BCAS1: variants seen among roughly 807,000 people sequenced by gnomAD.
BCAS1 encodes the protein breast carcinoma-amplified sequence 1.
Under a neutral mutation model 65.4 loss-of-function variants are expected in BCAS1, and 46 were observed. The observed-to-expected ratio is 0.70, with a 90% CI of 0.55 to 0.90. BCAS1 has a LOEUF of 0.90. BCAS1 is among the 40% of genes least tolerant of loss of function. The probability of loss-of-function intolerance (pLI) is 0.00; values close to 1 mark genes in which losing one functional copy is unlikely to be tolerated. For missense variants in BCAS1, 793 were observed against 771.2 expected, an observed-to-expected ratio of 1.03 and a Z score of -0.33; for synonymous variants, 298 against 293.5, an observed-to-expected ratio of 1.02 and a Z score of -0.16.
In BCAS1 at chr20:54,032,195, A is replaced by C. The variant is rs961595088; in HGVS notation, c.143-3223T>G. Among the ~76,000 whole-genome samples the C allele has an allele frequency of 6.6e-5, 10 of 151,544 alleles. No individual in the cohort carries two copies. In the East Asian group the frequency reaches 1.9e-3, roughly 29 times the overall value. Reference sequence around the variant, plus strand: ...CAATATTCAACATTCTTAAACAAAAAGAATTCCAACCCAGAATTTTATATC... The same window carrying C: ...CAATATTCAACATTCTTAAACAAAACGAATTCCAACCCAGAATTTTATATC... On this transcript the variant is annotated intron_variant, in intron 3 of 12. Coordinates refer to ENST00000688948, the MANE Select transcript of BCAS1 (RefSeq NM_001366298.2).
intron 12 of BCAS1, among the ~76,000 whole-genome samples, chr20:53,949,280 A>G (rs1038485833): frequency 6.6e-6 from 1 of 152,246 alleles, no homozygotes; most frequent in Non-Finnish European, 1.5e-5. Context: ...TCAAAAAGAA[A>G]GGAAAATGTT....
intron 10 of BCAS1, among the ~76,000 whole-genome samples, chr20:53,962,267 G>A (rs886382345): frequency 1.3e-5 from 2 of 152,208 alleles, no homozygotes; most frequent in East Asian, 1.9e-4. Flanking sequence ...TAGATTGAAT[G>A]TAATTAATTT....
At chr20:53,947,393 TG>T (rs2089360859) in intron 12 of BCAS1, among the ~76,000 whole-genome samples, 1 of 152,174 alleles carries the variant, frequency 6.6e-6, no homozygotes, top group African/African-American at 2.4e-5. Context: ...TTAATAGTTT[TG>T]GGGCATCAAG....
intron 4 of BCAS1, among the ~76,000 whole-genome samples, chr20:53,996,338 T>G (rs918737104): frequency 2.6e-5 from 4 of 152,062 alleles, no homozygotes; most frequent in Non-Finnish European, 4.4e-5. Context: ...TTCTTCCAAT[T>G]CTGCAAAGAA....
intron 4 of BCAS1, among the ~76,000 whole-genome samples, chr20:54,015,024 C>A (rs562620696): frequency 9.2e-5 from 14 of 151,690 alleles, no homozygotes; most frequent in Admixed American, 9.2e-4. Context: ...TTTGCAGAAT[C>A]TCAGAATTTC....
intron 3 of BCAS1, among the ~76,000 whole-genome samples, chr20:54,040,592 A>G (rs1191017832): frequency 6.6e-6 from 1 of 151,402 alleles, no homozygotes; most frequent in Non-Finnish European, 1.5e-5. Context: ...ACTCATAAAA[A>G]GATGCCTAAT....
intron 4 of BCAS1, among the ~76,000 whole-genome samples, chr20:54,020,484 T>C (rs1285042011): frequency 6.6e-6 from 1 of 152,220 alleles, no homozygotes; most frequent in African/African-American, 2.4e-5. Flanking sequence ...TTGCAATGAC[T>C]TTCTATTTCA....
intron 4 of BCAS1, among the ~76,000 whole-genome samples, chr20:54,018,101 A>G (rs2091477923): frequency 6.6e-6 from 1 of 152,228 alleles, no homozygotes; most frequent in Non-Finnish European, 1.5e-5. Flanking sequence ...AGAAAGAAAA[A>G]GTCACATGCT....
At chr20:54,016,832 A>T (rs1225948474) in intron 4 of BCAS1, among the ~76,000 whole-genome samples, 1 of 152,156 alleles carries the variant, frequency 6.6e-6, no homozygotes, top group Admixed American at 6.5e-5. Context: ...GGGAAGAGAG[A>T]GGCAATGTTA....
At chr20:54,008,649 G>C (rs2091254906) in intron 4 of BCAS1, among the ~76,000 whole-genome samples, 1 of 152,164 alleles carries the variant, frequency 6.6e-6, no homozygotes, top group East Asian at 1.9e-4. Context: ...GTTTAAGCAA[G>C]ATGCAGTCTC....
intron 2 of BCAS1, among the ~76,000 whole-genome samples, chr20:54,058,385 G>T (rs1427234843): frequency 6.6e-6 from 1 of 152,078 alleles, no homozygotes; most frequent in Non-Finnish European, 1.5e-5. Context: ...CAGCTCAGGG[G>T]ACCCCACACT....
rs149163647 is a variant in BCAS1, at chr20:53,953,663, C to T, written c.1584G>A (p.Pro528=). ...GTGCTCCTGTTGGTTCAGGCTCTGG[C>T]GGTGTGATAGTCTTTTCTGTGGAGT... ...TSDSTEKTIT[P]PEPEPTGAPQ... The change falls in exon 12 of 13, where the codon CCG becomes CCA. Residue 528 remains proline (P), a synonymous_variant. Coordinates refer to ENST00000688948, the MANE Select transcript of BCAS1 (RefSeq NM_001366298.2). 1.3e-4 allele frequency: 211 copies of T among 1,613,638 alleles called. 1 individual carries two copies. The highest frequency in any genetic ancestry group is 2.5e-4 in the East Asian group (11 of 44,854).
intron 5 of BCAS1, 61 bp from the exon 6 acceptor site, chr20:53,995,117 C>T: frequency 7.0e-7 from 1 of 1,433,514 alleles, no homozygotes; most frequent in East Asian, 2.3e-5. Flanking sequence ...ATTTTTATTT[C>T]ATAGATAAAT....
At chr20:54,039,357 C>T (rs1458904838) in intron 3 of BCAS1, among the ~76,000 whole-genome samples, 4 of 151,396 alleles carry the variant, frequency 2.6e-5, no homozygotes, top group African/African-American at 4.8e-5. Context: ...TTTGGAACAT[C>T]ATGGTAGAAT....
At chr20:53,986,053 T>C (rs1297825274) in intron 7 of BCAS1, among the ~76,000 whole-genome samples, 1 of 152,228 alleles carries the variant, frequency 6.6e-6, no homozygotes, top group East Asian at 1.9e-4. Flanking sequence ...AGGCTGGAAC[T>C]TGGTGAAGGG....
Position 53,967,073 on chromosome 20 carries a change from C to G in BCAS1, c.1318G>C (p.Val440Leu). 3 of 1,600,876 alleles carry G rather than the reference C, an allele frequency of 1.9e-6. No individual in the cohort carries two copies. The highest frequency in any genetic ancestry group is 1.8e-5 in the Admixed American group (1 of 56,728). Residue 440 changes from valine to leucine, a missense_variant and splice_region_variant, in exon 10 of 13, where the codon GTG becomes CTG. Physicochemically the swap from Val to Leu is conservative, Grantham distance 32 (BLOSUM62 1). Transcript: ENST00000688948. ...DSVPTGAEEN[V>L]VCESPVEIIK... The stretch of plus-strand genomic sequence containing the variant: ...ATCTCTACTGGTGACTCACACACCA[C>G]CTGGATTATTTTGCCAGGTAATAAG...
chr20:53,987,923 C>T (rs555610502), intron 7 of BCAS1, among the ~76,000 whole-genome samples: 292 of 152,256 alleles, frequency 1.9e-3, no homozygotes, highest in South Asian at 0.014. Flanking sequence ...AGTGGCCAAG[C>T]GTGGCTACTT....
intron 3 of BCAS1, among the ~76,000 whole-genome samples, chr20:54,053,099 C>G (rs2146292945): frequency 6.6e-6 from 1 of 152,310 alleles, no homozygotes; most frequent in African/African-American, 2.4e-5. Context: ...GCAGGTAAAT[C>G]ACATGGTATG....
At chr20:54,041,904 T>TC (rs796843830) in intron 3 of BCAS1, among the ~76,000 whole-genome samples, 4,401 of 30,798 alleles carry the variant, frequency 0.14, 168 homozygotes, top group Middle Eastern at 0.27. Context: ...AGACTCTGTC[T>TC]CCCCCAAAAA....
Sources: allele counts gnomAD v4.1 joint callset (sites outside exome capture counted in the v4.1 genomes callset), GRCh38; gene constraint gnomAD v4.1.1; transcripts MANE v1.5; gene names NCBI Gene and HGNC (gene_info 2026-07-23, HGNC 2026-07-21).